Variants in CTNNA3 observed in about 807,000 individuals in gnomAD.
The protein encoded by CTNNA3 is catenin alpha-3.
CTNNA3 carries 76 observed loss-of-function variants against 95.7 expected under a neutral mutation model. The observed-to-expected ratio is 0.79, with a 90% confidence interval of 0.66 to 0.96. CTNNA3 has a LOEUF of 0.96. Ranked by LOEUF, CTNNA3 falls within the 40% of genes least tolerant of loss-of-function variation. CTNNA3 has a pLI of 0.00. For missense variants in CTNNA3, 1,191 were observed against 1,089.8 expected (o/e 1.09, Z -1.31); for synonymous variants, 431 against 374.4 (o/e 1.15, Z -1.74).
intron 11 of CTNNA3, among the ~76,000 whole-genome samples, chr10:66,484,061 A>C (rs532116985): frequency 1.3e-5 from 2 of 152,114 alleles, no homozygotes; most frequent in African/African-American, 4.8e-5. Context: ...TGTGGTTGCT[A>C]TAAGTATATT....
chr10:66,224,866 T>G (rs1405307743), intron 13 of CTNNA3, among the ~76,000 whole-genome samples: 1 of 152,160 alleles, frequency 6.6e-6, no homozygotes, highest in Admixed American at 6.6e-5. Context: ...TTTTCTTTAT[T>G]TTCTAAGTCC....
chr10:66,542,659 G>A lies in CTNNA3; in HGVS notation c.1375-21886C>T, dbSNP rs1280181845. Among the ~76,000 whole-genome samples the A allele has an allele frequency of 7.4e-5, 11 of 148,236 alleles. 1 individual carries two copies. The highest frequency in any genetic ancestry group is 2.5e-4 in the African/African-American group (10 of 40,352). On this transcript the variant is annotated intron_variant, in intron 10 of 17. Coordinates refer to ENST00000433211, the MANE Select transcript of CTNNA3 (RefSeq NM_013266.4). ...AAGGACAAAAAACCAAACACCGCAT[G>A]TTCTCACTCATAGGTGGGAATTGAA...
chr10:66,466,064 A>C (rs1271383423), intron 11 of CTNNA3, among the ~76,000 whole-genome samples: 5 of 152,002 alleles, frequency 3.3e-5, no homozygotes, highest in Non-Finnish European at 7.4e-5. Context: ...CACTTGAGTA[A>C]AACAGATAAC....
chr10:66,291,589 G>A (rs1204864536), intron 12 of CTNNA3, among the ~76,000 whole-genome samples: 1 of 152,070 alleles, frequency 6.6e-6, no homozygotes, highest in South Asian at 2.1e-4. Context: ...TTCTCGGTCA[G>A]TTAGAGTAGG....
chr10:67,305,827 A>G (rs1265352053), intron 5 of CTNNA3, among the ~76,000 whole-genome samples: 1 of 152,220 alleles, frequency 6.6e-6, no homozygotes, highest in African/African-American at 2.4e-5. Flanking sequence ...ATGCTAATAC[A>G]GGACTGAGCT....
intron 5 of CTNNA3, among the ~76,000 whole-genome samples, chr10:67,404,162 A>AACACCT (rs200776098): frequency 0.034 from 5,186 of 152,194 alleles, 152 homozygotes; most frequent in Admixed American, 0.061. Flanking sequence ...AAATGACCAC[A>AACACCT]ACACCTCTCC....
intron 1 of CTNNA3, among the ~76,000 whole-genome samples, chr10:67,748,183 AG>A (rs1841383521): frequency 6.6e-6 from 1 of 152,224 alleles, no homozygotes; most frequent in South Asian, 2.1e-4. Context: ...AACACACTTC[AG>A]GGTATCATCC....
intron 1 of CTNNA3, among the ~76,000 whole-genome samples, chr10:67,761,909 C>A (rs1841463574): frequency 6.6e-6 from 1 of 151,254 alleles, no homozygotes. Flanking sequence ...CAGGGAGTGG[C>A]AGGGAGGAGA....
At chr10:66,944,759 T>C (rs756956464) in intron 7 of CTNNA3, among the ~76,000 whole-genome samples, 1 of 152,166 alleles carries the variant, frequency 6.6e-6, no homozygotes, top group Non-Finnish European at 1.5e-5. Flanking sequence ...AATTATTCCC[T>C]GATTCATAGG....
At chr10:67,753,145 T>C (rs527609879) in intron 1 of CTNNA3, among the ~76,000 whole-genome samples, 2 of 152,084 alleles carry the variant, frequency 1.3e-5, no homozygotes, top group African/African-American at 2.4e-5. Flanking sequence ...TGGAACAGAA[T>C]AGAGATCTCA....
chr10:67,657,067 C>T (rs1194522242), intron 1 of CTNNA3, among the ~76,000 whole-genome samples: 1 of 152,168 alleles, frequency 6.6e-6, no homozygotes, highest in African/African-American at 2.4e-5. Context: ...GAAGTGGACA[C>T]AGGGTTCAGA....
intron 14 of CTNNA3, among the ~76,000 whole-genome samples, chr10:66,076,915 T>A (rs868407045): frequency 4.0e-5 from 6 of 151,748 alleles, no homozygotes; most frequent in African/African-American, 2.4e-5. Flanking sequence ...CCCTCTCCAA[T>A]GTTTTATTTC....
At chr10:66,817,496 T>C (rs1433880871) in intron 7 of CTNNA3, among the ~76,000 whole-genome samples, 1 of 152,132 alleles carries the variant, frequency 6.6e-6, no homozygotes, top group East Asian at 1.9e-4. Context: ...TACTATTGAC[T>C]TAACAGAAAA....
At chr10:66,942,458 A>C (rs1031298644) in intron 7 of CTNNA3, among the ~76,000 whole-genome samples, 1 of 152,116 alleles carries the variant, frequency 6.6e-6, no homozygotes, top group Non-Finnish European at 1.5e-5. Flanking sequence ...TGTTTCTTCT[A>C]GTAATTCAAC....
intron 7 of CTNNA3, among the ~76,000 whole-genome samples, chr10:67,087,965 G>T (rs182361043): frequency 1.0e-3 from 157 of 151,960 alleles, no homozygotes; most frequent in African/African-American, 3.3e-3. Context: ...TGCTCAAAAA[G>T]GTTATGGTCT....
chr10:66,573,571 C>A (rs1423890924), intron 10 of CTNNA3, among the ~76,000 whole-genome samples: 2 of 152,164 alleles, frequency 1.3e-5, no homozygotes, highest in Non-Finnish European at 1.5e-5. Flanking sequence ...AGAAATTCTT[C>A]TTTATGGCTT....
At chr10:67,106,423 C>CA (rs1462978526) in intron 7 of CTNNA3, among the ~76,000 whole-genome samples, 2 of 152,086 alleles carry the variant, frequency 1.3e-5, no homozygotes, top group African/African-American at 4.8e-5. Flanking sequence ...CTGTAATTAC[C>CA]AAAAAGAATG....
intron 14 of CTNNA3, among the ~76,000 whole-genome samples, chr10:66,075,676 A>G (rs1772536951): frequency 6.6e-6 from 1 of 151,774 alleles, no homozygotes; most frequent in African/African-American, 2.4e-5. Context: ...GCGCCATTAT[A>G]ATTATCTTAT....
chr10:67,762,383 C>CAA (rs528181955), intron 1 of CTNNA3, among the ~76,000 whole-genome samples: 3 of 137,020 alleles, frequency 2.2e-5, no homozygotes, highest in African/African-American at 8.0e-5. Flanking sequence ...CTCCCCCCCC[C>CAA]AAAAAAAAAA....
Sources: gnomAD v4.1 joint callset for allele counts (sites outside exome capture counted in the v4.1 genomes callset) on GRCh38, gnomAD v4.1.1 for gene constraint, MANE v1.5 for transcripts, NCBI Gene and HGNC (gene_info 2026-07-23, HGNC 2026-07-21) for gene names.